ATP11B: variants seen among roughly 807,000 people sequenced by gnomAD.
The protein encoded by ATP11B is phospholipid-transporting ATPase IF.
In ATP11B, 81 loss-of-function variants were observed where a neutral mutation model predicts 157.8. That is an observed-to-expected ratio of 0.51 (90% CI 0.43 to 0.62). The LOEUF is 0.62. Among genes scored for constraint, ATP11B ranks in the 20% least tolerant of loss-of-function variants. ATP11B has a pLI of 0.00. For synonymous variants in ATP11B, 451 were observed against 469.4 expected, an observed-to-expected ratio of 0.96 and a Z score of 0.51; for missense variants, 1,165 against 1,402.2, an observed-to-expected ratio of 0.83 and a Z score of 2.70.
chr3:182,883,261 C>CTTT (rs113393141), intron 21 of ATP11B, among the ~76,000 whole-genome samples: 31 of 144,988 alleles, frequency 2.1e-4, no homozygotes, highest in Non-Finnish European at 2.7e-4. Flanking sequence ...TAAAACAATC[C>CTTT]TTTTTTTTTT....
chr3:182,872,440 A>C lies in ATP11B; in HGVS notation c.1951A>C (p.Arg651=), dbSNP rs780357767. ...AATAGATAAACGCATATTTGAAGCC[A>C]GGACTGCCTTGCAGCAGCGGGAAGA... The part of the protein sequence containing the change: ...EEIDKRIFEA[R]TALQQREEKL... Residue 651 remains arginine (R), a synonymous_variant, in exon 18 of 30, where the codon AGG becomes CGG. Transcript: ENST00000323116. 38 of 1,614,034 alleles carry C rather than the reference A, an allele frequency of 2.4e-5. No individual in the cohort carries two copies. The highest frequency in any genetic ancestry group is 3.1e-5 in the Non-Finnish European group (36 of 1,179,976).
At chr3:182,816,226 A>G (rs539956459) in intron 1 of ATP11B, among the ~76,000 whole-genome samples, 3 of 152,212 alleles carry the variant, frequency 2.0e-5, no homozygotes, top group Admixed American at 1.3e-4. Context: ...TGTGCCTACA[A>G]TACCTAAACT....
intron 20 of ATP11B, among the ~76,000 whole-genome samples, chr3:182,880,219 C>T (rs1371345344): frequency 6.6e-6 from 1 of 152,104 alleles, no homozygotes; most frequent in Non-Finnish European, 1.5e-5. Flanking sequence ...CTGTTTTTCA[C>T]AAATATCCTT....
At chr3:182,832,346 A>C (rs770980227) in intron 4 of ATP11B, among the ~76,000 whole-genome samples, 13 of 152,322 alleles carry the variant, frequency 8.5e-5, no homozygotes, top group South Asian at 6.2e-4. Flanking sequence ...CAAAGAGAAA[A>C]TTTGAACCAC....
At chr3:182,804,301 A>G (rs1357359564) in intron 1 of ATP11B, among the ~76,000 whole-genome samples, 1 of 150,558 alleles carries the variant, frequency 6.6e-6, no homozygotes, top group Non-Finnish European at 1.5e-5. Context: ...GCTGAAGTGC[A>G]GTGGCGTGAT....
chr3:182,914,498 G>C, intron 29 of ATP11B: 7 of 985,194 alleles, frequency 7.1e-6, no homozygotes, highest in Non-Finnish European at 8.4e-6. Flanking sequence ...CTGTATTTCT[G>C]CTCCCCTACC....
chr3:182,889,347 A>G, intron 24 of ATP11B, 63 bp from the exon 25 acceptor site: 2 of 1,173,264 alleles, frequency 1.7e-6, no homozygotes, highest in Middle Eastern at 5.7e-4. Flanking sequence ...TATTATATTA[A>G]TTGTTTAGTG....
chr3:182,905,901 C>T (rs1368338567), intron 28 of ATP11B: 2 of 456,442 alleles, frequency 4.4e-6, no homozygotes, highest in Non-Finnish European at 8.8e-6. Flanking sequence ...GCCAGCAGGA[C>T]AGTTGTTGCG....
intron 28 of ATP11B, among the ~76,000 whole-genome samples, chr3:182,910,973 GAATTT>G (rs1724738953): frequency 6.6e-6 from 1 of 152,078 alleles, no homozygotes; most frequent in Admixed American, 6.5e-5. Context: ...TTAAATTATT[GAATTT>G]AACAGTTATA....
chr3:182,835,546 T>G (rs1258392394), intron 4 of ATP11B, among the ~76,000 whole-genome samples: 1 of 152,192 alleles, frequency 6.6e-6, no homozygotes, highest in African/African-American at 2.4e-5. Flanking sequence ...CAGCACACTT[T>G]CAGGACATCA....
intron 1 of ATP11B, among the ~76,000 whole-genome samples, chr3:182,815,092 G>A (rs140930989): frequency 2.6e-5 from 4 of 152,082 alleles, no homozygotes; most frequent in African/African-American, 4.8e-5. Context: ...GTTATCTTTC[G>A]CTAAGATTAC....
At chr3:182,855,445 ATC>A (rs111766975) in intron 10 of ATP11B, among the ~76,000 whole-genome samples, 1 of 152,212 alleles carries the variant, frequency 6.6e-6, no homozygotes, top group African/African-American at 2.4e-5. Flanking sequence ...AGAAAACAGA[ATC>A]TTCAGGACTT....
intron 2 of ATP11B, among the ~76,000 whole-genome samples, chr3:182,823,193 C>T (rs1717481646): frequency 6.6e-6 from 1 of 152,192 alleles, no homozygotes; most frequent in Non-Finnish European, 1.5e-5. Context: ...CTTGCCCATG[C>T]CTGTGTCCTG....
At chr3:182,798,203 A>T (rs1350554927) in intron 1 of ATP11B, among the ~76,000 whole-genome samples, 1 of 152,238 alleles carries the variant, frequency 6.6e-6, no homozygotes, top group Non-Finnish European at 1.5e-5. Context: ...TTACTAGACT[A>T]GACTGTAAAT....
chr3:182,890,657 A>C (rs1723113441), intron 25 of ATP11B, among the ~76,000 whole-genome samples: 1 of 152,234 alleles, frequency 6.6e-6, no homozygotes, highest in Admixed American at 6.5e-5. Flanking sequence ...GGATGAAAAT[A>C]TGAATCTTGT....
At chr3:182,897,457 T>A in intron 27 of ATP11B, 51 bp downstream of exon 27, 2 of 1,230,678 alleles carry the variant, frequency 1.6e-6, no homozygotes, top group Non-Finnish European at 2.3e-6. Context: ...ATAATAAACA[T>A]TTATTGTGAT....
At chr3:182,910,071 C>CAAA (rs1281546191) in intron 28 of ATP11B, among the ~76,000 whole-genome samples, 12 of 72,264 alleles carry the variant, frequency 1.7e-4, no homozygotes, top group African/African-American at 1.8e-4. Context: ...ACTCGGCCTC[C>CAAA]AGAAAAAAAA....
At chr3:182,892,033 A>G (rs1417079889) in intron 25 of ATP11B, among the ~76,000 whole-genome samples, 1 of 152,190 alleles carries the variant, frequency 6.6e-6, no homozygotes, top group Non-Finnish European at 1.5e-5. Flanking sequence ...TTAAGTCATT[A>G]TATTGGAAGA....
intron 7 of ATP11B, among the ~76,000 whole-genome samples, chr3:182,841,868 A>G (rs1427091563): frequency 6.6e-6 from 1 of 151,194 alleles, no homozygotes; most frequent in African/African-American, 2.4e-5. Context: ...AGTCCCAGCT[A>G]CTCGGGAGAC....
Sources: allele counts gnomAD v4.1 joint callset (sites outside exome capture counted in the v4.1 genomes callset), GRCh38; gene constraint gnomAD v4.1.1; transcripts MANE v1.5; gene names NCBI Gene and HGNC (gene_info 2026-07-23, HGNC 2026-07-21).